Variants in TMEFF1 observed in about 807,000 individuals in gnomAD.
TMEFF1 encodes tomoregulin-1.
In TMEFF1, 20 loss-of-function variants were observed where a neutral mutation model predicts 47.5. The ratio of observed to expected loss-of-function variants is 0.42; its 90% confidence interval spans 0.30 to 0.61. TMEFF1 has a LOEUF of 0.61. Ranked by LOEUF, TMEFF1 falls within the 20% of genes least tolerant of loss-of-function variation. The pLI is 0.19. For synonymous variants in TMEFF1, 162 were observed against 166.3 expected, an observed-to-expected ratio of 0.97 and a Z score of 0.20; for missense variants, 411 against 471.1, an observed-to-expected ratio of 0.87 and a Z score of 1.18.
chr9:100,534,577 A>C (rs1176400554), intron 5 of TMEFF1, among the ~76,000 whole-genome samples: 1 of 152,182 alleles, frequency 6.6e-6, no homozygotes, highest in East Asian at 1.9e-4. Context: ...CTGGAGTCTC[A>C]TATTTTCCTC....
chr9:100,529,193 A>G (rs1296152157), intron 5 of TMEFF1, among the ~76,000 whole-genome samples: 1 of 149,946 alleles, frequency 6.7e-6, no homozygotes, highest in Non-Finnish European at 1.5e-5. Flanking sequence ...CTAACGAGCA[A>G]AATAACCAGC....
At chr9:100,561,637 A>G in intron 8 of TMEFF1, 117 bp downstream of exon 8, 2 of 1,343,848 alleles carry the variant, frequency 1.5e-6, no homozygotes, top group Non-Finnish European at 1.9e-6. Context: ...TATTTGCAGT[A>G]GACAAGTAAA....
chr9:100,526,444 T>G (rs1838254139), intron 5 of TMEFF1, among the ~76,000 whole-genome samples: 1 of 152,178 alleles, frequency 6.6e-6, no homozygotes, highest in African/African-American at 2.4e-5. Flanking sequence ...TTTTTTCCCC[T>G]GTTTTCTGTT....
chr9:100,492,336 G>C (rs1837570743), intron 1 of TMEFF1, among the ~76,000 whole-genome samples: 1 of 152,168 alleles, frequency 6.6e-6, no homozygotes, highest in South Asian at 2.1e-4. Context: ...TCAAGTCTTT[G>C]AGTTTAGTTT....
chr9:100,555,715 G>T lies in TMEFF1; in HGVS notation c.775+5555G>T, dbSNP rs945851677. 3.3e-5 allele frequency among the ~76,000 whole-genome samples: 5 copies of T among 152,044 alleles called. No individual in the cohort carries two copies. The East Asian group carries it at 9.6e-4, about 29-fold the overall frequency. ...TCCTAGTTTCATGTTGAGTAACCTG[G>T]CTGTGCTCAACAGTCTCACCATTGG... On this transcript the variant is annotated intron_variant, in intron 7 of 9. Transcript: ENST00000374879.
chr9:100,537,943 T>C (rs971674916), intron 5 of TMEFF1, among the ~76,000 whole-genome samples: 13 of 152,194 alleles, frequency 8.5e-5, no homozygotes, highest in African/African-American at 2.4e-4. Flanking sequence ...TCTGTTTCCT[T>C]AATTTTTAAA....
intron 6 of TMEFF1, among the ~76,000 whole-genome samples, chr9:100,549,228 G>A (rs528170598): frequency 1.3e-5 from 2 of 152,276 alleles, no homozygotes; most frequent in Admixed American, 6.5e-5. Context: ...GAGGAAGCAG[G>A]CACATCTTAC....
At chr9:100,513,440 C>G (rs1248781546) in intron 4 of TMEFF1, 107 bp downstream of exon 4, 1 of 1,357,706 alleles carries the variant, frequency 7.4e-7, no homozygotes, top group Non-Finnish European at 9.8e-7. Flanking sequence ...ATTCACATAC[C>G]ATATAATTTG....
At chr9:100,487,508 G>T (rs1225435604) in intron 1 of TMEFF1, among the ~76,000 whole-genome samples, 2 of 152,052 alleles carry the variant, frequency 1.3e-5, no homozygotes, top group African/African-American at 4.8e-5. Context: ...TTTCTAGGTG[G>T]TACACTTGTG....
chr9:100,504,448 G>A (rs1837819744), intron 2 of TMEFF1, among the ~76,000 whole-genome samples: 1 of 152,200 alleles, frequency 6.6e-6, no homozygotes, highest in South Asian at 2.1e-4. Context: ...ACTTGAGTGT[G>A]TAGTGGTTAA....
At chr9:100,545,486 G>A (rs1359991954) in intron 5 of TMEFF1, among the ~76,000 whole-genome samples, 1 of 152,176 alleles carries the variant, frequency 6.6e-6, no homozygotes, top group African/African-American at 2.4e-5. Flanking sequence ...CAGAGCACGG[G>A]GATCCTGGGC....
At chr9:100,490,583 A>G (rs1262660065) in intron 1 of TMEFF1, among the ~76,000 whole-genome samples, 1 of 152,204 alleles carries the variant, frequency 6.6e-6, no homozygotes, top group Non-Finnish European at 1.5e-5. Context: ...ATCAAAGGAA[A>G]GTATTATTCT....
intron 7 of TMEFF1, among the ~76,000 whole-genome samples, chr9:100,557,926 T>C (rs970072791): frequency 6.6e-6 from 1 of 152,112 alleles, no homozygotes; most frequent in Non-Finnish European, 1.5e-5. Flanking sequence ...AAAGTTGGCA[T>C]TGAGCGGAAT....
At chr9:100,485,940 A>G (rs10989111) in intron 1 of TMEFF1, among the ~76,000 whole-genome samples, 6,660 of 152,080 alleles carry the variant, frequency 0.044, 322 homozygotes, top group South Asian at 0.22. Context: ...TCATTTTTTC[A>G]GAAGTCATTT....
rs538026920 is a variant in TMEFF1 at position 100,512,178 on chromosome 9, C to T, written c.437-1129C>T. On this transcript the variant is annotated intron_variant, in intron 3 of 9. Coordinates refer to ENST00000374879, the MANE Select transcript of TMEFF1 (RefSeq NM_003692.5). Reference sequence around the variant, plus strand: ...AAAAACAATTTTGAGTTTCCTCCCTCGCTGTCTTTTTTTCTGTTCCATCAC... The same window carrying T: ...AAAAACAATTTTGAGTTTCCTCCCTTGCTGTCTTTTTTTCTGTTCCATCAC... 4.3e-4 allele frequency among the ~76,000 whole-genome samples: 66 copies of T among 152,122 alleles called. 1 individual carries two copies. Among genetic ancestry groups the T allele is most frequent in the South Asian group, 2.1e-4 (1 of 4,824 alleles).
intron 2 of TMEFF1, among the ~76,000 whole-genome samples, chr9:100,502,388 C>CT (rs1431721114): frequency 6.6e-6 from 1 of 151,982 alleles, no homozygotes; most frequent in African/African-American, 2.4e-5. Context: ...GAGACGGGGT[C>CT]TCACTCTGTT....
At chr9:100,498,906 T>C in intron 2 of TMEFF1, 32 bp downstream of exon 2, 1 of 1,594,724 alleles carries the variant, frequency 6.3e-7, no homozygotes, top group Non-Finnish European at 8.5e-7. Context: ...TGAAAAGTTT[T>C]ATATTCTTCG....
chr9:100,532,637 G>T (rs62579399), intron 5 of TMEFF1, among the ~76,000 whole-genome samples: 1 of 151,478 alleles, frequency 6.6e-6, no homozygotes, highest in Non-Finnish European at 1.5e-5. Context: ...TACACTGTTG[G>T]TGGGACTGTA....
chr9:100,497,541 G>A (rs558966024), intron 1 of TMEFF1, among the ~76,000 whole-genome samples: 2 of 152,120 alleles, frequency 1.3e-5, no homozygotes, highest in South Asian at 2.1e-4. Context: ...TAGGGATTCA[G>A]GTACTTGATT....
Sources: allele counts gnomAD v4.1 joint callset (sites outside exome capture counted in the v4.1 genomes callset), GRCh38; gene constraint gnomAD v4.1.1; transcripts MANE v1.5; gene names NCBI Gene and HGNC (gene_info 2026-07-23, HGNC 2026-07-21).